SLC4A1AP: variants seen among roughly 807,000 people sequenced by gnomAD.
SLC4A1AP encodes kanadaptin.
Under a neutral mutation model 89.7 loss-of-function variants are expected in SLC4A1AP, and 64 were observed. The observed-to-expected ratio is 0.71, with a 90% CI of 0.58 to 0.88. SLC4A1AP has a LOEUF of 0.88. Ranked by LOEUF, SLC4A1AP falls within the 40% of genes least tolerant of loss-of-function variation. SLC4A1AP has a pLI of 0.00. For missense variants in SLC4A1AP, 931 were observed against 965.0 expected (o/e 0.96, Z 0.47); for synonymous variants, 366 against 353.3 (o/e 1.04, Z -0.40).
intron 12 of SLC4A1AP, 59 bp downstream of exon 12, chr2:27,688,826 GA>G: frequency 7.8e-7 from 1 of 1,284,084 alleles, no homozygotes; most frequent in East Asian, 2.4e-5. Flanking sequence ...ACCACATCCA[GA>G]AAAGTGAATC....
chr2:27,672,786 C>G (rs1211021808), intron 5 of SLC4A1AP, among the ~76,000 whole-genome samples: 3 of 152,012 alleles, frequency 2.0e-5, no homozygotes, highest in South Asian at 2.1e-4. Context: ...GTTGGGGAAC[C>G]CTTGATTTAA....
chr2:27,693,596 G>C, intron 12 of SLC4A1AP, 89 bp from the exon 13 acceptor site: 2 of 964,398 alleles, frequency 2.1e-6, no homozygotes, highest in East Asian at 2.7e-5. Context: ...GCTTAAGGAG[G>C]CTAACAATAG....
rs35690444 is a variant in SLC4A1AP at position 27,680,735 on chromosome 2, T to TCAAA, written c.1764-1496_1764-1493dup. On this transcript the variant is annotated intron_variant, in intron 8 of 13. Coordinates refer to ENST00000613058, the Ensembl canonical transcript of SLC4A1AP. Reference sequence around the variant, plus strand: ...GAGAGTGAGGTTGCAAGACCCTGTCTCAAACAAACAAACAAACAAAAACAA... The same window carrying TCAAA: ...GAGAGTGAGGTTGCAAGACCCTGTCTCAAACAAACAAACAAACAAACAAAAACAA... Among the ~76,000 whole-genome samples the TCAAA allele has an allele frequency of 1.7e-3, 254 of 149,862 alleles. 6 individuals carry two copies. Among genetic ancestry groups the TCAAA allele is most frequent in the Admixed American group, 0.014 (204 of 14,838 alleles).
intron 5 of SLC4A1AP, among the ~76,000 whole-genome samples, chr2:27,673,555 C>G (rs75956380): frequency 4.6e-5 from 7 of 151,576 alleles, no homozygotes; most frequent in African/African-American, 1.7e-4. Context: ...CATCAACTTC[C>G]GGGGCTCAAG....
chr2:27,693,567 C>G, intron 12 of SLC4A1AP, 118 bp from the exon 13 acceptor site: 1 of 664,638 alleles, frequency 1.5e-6, no homozygotes, highest in Non-Finnish European at 2.5e-6. Context: ...ATACAAAATT[C>G]TTGACTAATG....
exon 12 of SLC4A1AP, chr2:27,688,710 T>G: frequency 6.3e-7 from 1 of 1,598,742 alleles, no homozygotes; most frequent in Non-Finnish European, 8.5e-7. Flanking sequence ...CATCAAAGAA[T>G]GAATATGAGA....
chr2:27,677,807 T>C (rs1439874913), exon 8 of SLC4A1AP: 1 of 1,613,852 alleles, frequency 6.2e-7, no homozygotes, highest in South Asian at 1.1e-5. Context: ...GGCAGTACAT[T>C]AGATGGTGTG....
rs547059493 is a variant in SLC4A1AP at position 27,685,348 on chromosome 2, G to A, written c.2116+71G>A. On this transcript the variant is annotated intron_variant, in intron 10 of 13. Coordinates refer to ENST00000613058, the Ensembl canonical transcript of SLC4A1AP. ...ATTGATTGTGGATAGGTTTTAAAAA[G>A]CAAGGCCAGTTCTTGTCTGTGCATT... The A allele has an allele frequency of 2.2e-5, 33 of 1,530,038 alleles. No homozygotes were observed. The African/African-American group carries it at 4.3e-4, about 20-fold the overall frequency. 94.8% of individuals were successfully genotyped at this position (1,530,038 alleles called of 1,614,324 possible).
chr2:27,685,044 C>A, exon 10 of SLC4A1AP: 1 of 1,598,112 alleles, frequency 6.3e-7, no homozygotes, highest in Non-Finnish European at 8.5e-7. Context: ...TAGAAGTTAC[C>A]CCCCAAGCGT....
intron 4 of SLC4A1AP, 89 bp from the exon 5 acceptor site, chr2:27,669,159 A>T (rs1402571573): frequency 2.1e-6 from 3 of 1,407,176 alleles, no homozygotes; most frequent in Non-Finnish European, 2.9e-6. Flanking sequence ...GCCATCTAAA[A>T]AAAAAATGAC....
exon 11 of SLC4A1AP, chr2:27,688,014 C>T (rs1675731412): frequency 1.2e-6 from 2 of 1,613,438 alleles, no homozygotes; most frequent in Non-Finnish European, 1.7e-6. Context: ...GTGCGCAGGA[C>T]CCTCAGGCAA....
intron 5 of SLC4A1AP, among the ~76,000 whole-genome samples, chr2:27,673,302 T>TTCTCTC (rs10659481): frequency 6.7e-6 from 1 of 148,700 alleles, no homozygotes; most frequent in East Asian, 2.0e-4. Flanking sequence ...ATGAATTTCT[T>TTCTCTC]TCTCTCTCTC....
At chr2:27,671,068 T>G (rs1675421456) in intron 5 of SLC4A1AP, among the ~76,000 whole-genome samples, 1 of 151,290 alleles carries the variant, frequency 6.6e-6, no homozygotes, top group Non-Finnish European at 1.5e-5. Context: ...GGACTATAGG[T>G]GCGTGCTCCA....
exon 8 of SLC4A1AP, chr2:27,677,878 G>C (rs1386954242): frequency 6.2e-7 from 1 of 1,608,422 alleles, no homozygotes; most frequent in Non-Finnish European, 8.5e-7. Flanking sequence ...GAGACTTAAA[G>C]GGTTAATAAA....
At position 27,677,286 on chromosome 2, in the gene SLC4A1AP, G is replaced by A; in HGVS notation, c.1507-9G>A. ...AAACTTTGTAACCCTGTTGATTTGG[G>A]TGTTACAGGTTGCAAAATTAAATGA... On this transcript the variant is annotated splice_polypyrimidine_tract_variant and intron_variant, in intron 6 of 13. Transcript: ENST00000613058. 2 of 1,592,234 alleles carry A rather than the reference G, an allele frequency of 1.3e-6. No individual in the cohort carries two copies. The highest frequency in any genetic ancestry group is 1.7e-6 in the Non-Finnish European group (2 of 1,160,316).
rs1259360810 is a variant in SLC4A1AP at position 27,663,954 on chromosome 2, C to CAT, written c.203_204insTA (p.Gln68HisfsTer103). On this transcript the variant is annotated frameshift_variant, in exon 1 of 14. Transcript: ENST00000613058. LOFTEE classifies it high-confidence loss of function. Reference sequence around the variant, plus strand: ...CTCTCAGTCAGAGACCCTGGCGTCGCAAGACCTCAGTGGGGACTTCAAGAA... The same window carrying CAT: ...CTCTCAGTCAGAGACCCTGGCGTCGCATAAGACCTCAGTGGGGACTTCAAGAA... 1.2e-6 allele frequency: 2 copies of CAT among 1,614,220 alleles called. No homozygotes were observed. Among genetic ancestry groups the CAT allele is most frequent in the Non-Finnish European group, 1.7e-6 (2 of 1,180,038 alleles).
intron 12 of SLC4A1AP, among the ~76,000 whole-genome samples, chr2:27,690,147 CTATATA>C (rs901695539): frequency 2.0e-5 from 3 of 152,030 alleles, no homozygotes; most frequent in African/African-American, 7.2e-5. Flanking sequence ...AAAATTATAC[CTATATA>C]TATAATTTTT....
At chr2:27,689,371 G>T (rs10175280) in intron 12 of SLC4A1AP, among the ~76,000 whole-genome samples, 4 of 152,034 alleles carry the variant, frequency 2.6e-5, no homozygotes, top group African/African-American at 9.7e-5. Context: ...GGTCATTCAC[G>T]AGAGGACCCA....
At chr2:27,686,770 T>C (rs1165207489) in intron 10 of SLC4A1AP, among the ~76,000 whole-genome samples, 1 of 152,210 alleles carries the variant, frequency 6.6e-6, no homozygotes, top group African/African-American at 2.4e-5. Context: ...TGAGACTGTT[T>C]CAAAAACAAA....
Sources: allele counts gnomAD v4.1 joint callset (sites outside exome capture counted in the v4.1 genomes callset), GRCh38; gene constraint gnomAD v4.1.1; transcripts MANE v1.5; gene names NCBI Gene and HGNC (gene_info 2026-07-23, HGNC 2026-07-21).